Variants in ELAVL3 observed in about 807,000 individuals in gnomAD.
ELAVL3 encodes the protein ELAV like RNA binding protein 3, also known as ELAV-like protein 3.
ELAVL3 carries 8 observed loss-of-function variants against 34.2 expected under a neutral mutation model. That is an observed-to-expected ratio of 0.23 (90% CI 0.14 to 0.42). The LOEUF is 0.42. Among genes scored for constraint, ELAVL3 ranks in the 10% least tolerant of loss-of-function variants. ELAVL3 has a pLI of 1.00. For missense variants in ELAVL3, 273 were observed against 518.8 expected (o/e 0.53, Z 4.60); for synonymous variants, 209 against 222.1 (o/e 0.94, Z 0.53).
At chr19:11,470,608 C>T (rs1971145193) in intron 1 of ELAVL3, among the ~76,000 whole-genome samples, 1 of 151,652 alleles carries the variant, frequency 6.6e-6, no homozygotes, top group African/African-American at 2.4e-5. Flanking sequence ...ACCTGGGAGG[C>T]GGGGGTTGCG....
chr19:11,472,474 G>A (rs1249976480), intron 1 of ELAVL3, among the ~76,000 whole-genome samples: 2 of 152,214 alleles, frequency 1.3e-5, no homozygotes, highest in African/African-American at 4.8e-5. Context: ...GCCGAGGTGG[G>A]AGGACTGGTT....
At chr19:11,471,639 A>C (rs1971167327) in intron 1 of ELAVL3, among the ~76,000 whole-genome samples, 1 of 151,418 alleles carries the variant, frequency 6.6e-6, no homozygotes, top group Non-Finnish European at 1.5e-5. Flanking sequence ...TTTTTTGTAG[A>C]GATGGGGTGT....
chr19:11,473,057 ACT>A (rs1447893680), intron 1 of ELAVL3, among the ~76,000 whole-genome samples: 1 of 150,548 alleles, frequency 6.6e-6, no homozygotes, highest in Non-Finnish European at 1.5e-5. Context: ...ACAGAGTGAG[ACT>A]CTGTCTCAAA....
rs972717989 is a variant in ELAVL3 at position 11,480,472 on chromosome 19, C to T, written c.9+128G>A. 633 of 1,172,142 alleles carry T rather than the reference C, an allele frequency of 5.4e-4. 1 individual carries two copies. The highest frequency in any genetic ancestry group is 6.9e-4 in the Non-Finnish European group (611 of 889,768). The allele number at this position is 1,172,142 out of a possible 1,614,324, so 72.6% of individuals were successfully genotyped here. A position where few individuals can be genotyped will look rare whatever the true frequency, so the allele number is the denominator to read the frequency against. On this transcript the variant is annotated intron_variant, in intron 1 of 6. Transcript: ENST00000359227. This position sits in a 1 kb window ranked among gnomAD's most constrained non-coding sequence, Gnocchi z 6.8. Reference sequence around the variant, plus strand: ...CACTCTCAGGCCCCGAGGCTTGGTCCTACCCCCCCAACCCGGGCCTAGCTA... The same window carrying T: ...CACTCTCAGGCCCCGAGGCTTGGTCTTACCCCCCCAACCCGGGCCTAGCTA...
intron 1 of ELAVL3, among the ~76,000 whole-genome samples, chr19:11,477,297 C>T (rs1691443567): frequency 6.6e-6 from 1 of 151,868 alleles, no homozygotes; most frequent in African/African-American, 2.4e-5. Context: ...TTTTCTTTTC[C>T]TTGTTTATTT....
Position 11,466,699 on chromosome 19 carries a change from C to A in ELAVL3, c.138G>T (p.Leu46=). ...ACTCATCCTGGGTCATGTTCTGGGG[C>A]AGGTAGTTGACGATGAGGTTGGTCT... ...DSKTNLIVNY[L]PQNMTQDEFK... The change falls in exon 2 of 7, where the codon CTG becomes CTT. Residue 46 remains leucine, a synonymous_variant. Coordinates refer to ENST00000359227, the MANE Select transcript of ELAVL3 (RefSeq NM_001420.4). This position sits in a 1 kb window ranked among gnomAD's most constrained non-coding sequence, Gnocchi z 5.0. 6.2e-7 allele frequency: 1 copy of A among 1,614,202 alleles called. No individual in the cohort carries two copies. Among genetic ancestry groups the A allele is most frequent in the Non-Finnish European group, 8.5e-7 (1 of 1,180,038 alleles).
chr19:11,472,406 G>A (rs1321773170), intron 1 of ELAVL3, among the ~76,000 whole-genome samples: 1 of 152,110 alleles, frequency 6.6e-6, no homozygotes, highest in East Asian at 1.9e-4. Context: ...GAAGAATTCA[G>A]AAACCACATT....
At chr19:11,459,632 T>A (rs540372031) in intron 3 of ELAVL3, among the ~76,000 whole-genome samples, 6 of 151,630 alleles carry the variant, frequency 4.0e-5, no homozygotes, top group Non-Finnish European at 8.8e-5. Context: ...AGGCTGGTAT[T>A]GAACTTCTGG....
rs1309555435 is a variant in ELAVL3, at chr19:11,466,285, G to A, written c.230-10C>T. Reference sequence around the variant, plus strand: ...TAGCCAAGGCTCTGCCCTGTGGGCAGAACCAGAATGATGACCTTCCCACCC... The same window carrying A: ...TAGCCAAGGCTCTGCCCTGTGGGCAAAACCAGAATGATGACCTTCCCACCC... On this transcript the variant is annotated splice_polypyrimidine_tract_variant and intron_variant, in intron 2 of 6. Coordinates refer to ENST00000359227, the MANE Select transcript of ELAVL3 (RefSeq NM_001420.4). This position sits in a 1 kb window ranked among gnomAD's most constrained non-coding sequence, Gnocchi z 5.0. The A allele has an allele frequency of 6.2e-7, 1 of 1,612,518 alleles. No homozygotes were observed. Among genetic ancestry groups the A allele is most frequent in the African/African-American group, 1.3e-5 (1 of 74,832 alleles).
At position 11,476,902 on chromosome 19, in the gene ELAVL3, A is replaced by T. The variant is rs933489678; in HGVS notation, c.9+3698T>A. On this transcript the variant is annotated intron_variant, in intron 1 of 6. Transcript: ENST00000359227. ...CGACAGAGAAAGACTCTGTCTCAAA[A>T]ATTAGAAAAATAAAATAAAAAATAA... is the stretch of plus-strand genomic sequence containing the variant. 3.9e-5 allele frequency among the ~76,000 whole-genome samples: 6 copies of T among 152,160 alleles called. 1 individual carries two copies. In the South Asian group the frequency reaches 1.2e-3, roughly 32 times the overall value.
chr19:11,461,284 A>G (rs929195745), intron 3 of ELAVL3, among the ~76,000 whole-genome samples: 1 of 152,170 alleles, frequency 6.6e-6, no homozygotes, highest in African/African-American at 2.4e-5. Context: ...TTTACAAAGC[A>G]GGGAATATTG....
At chr19:11,467,969 T>C (rs545010815) in intron 1 of ELAVL3, among the ~76,000 whole-genome samples, 2 of 152,214 alleles carry the variant, frequency 1.3e-5, no homozygotes, top group East Asian at 1.9e-4. Flanking sequence ...TTAAAATTAT[T>C]TGTAGAGATG....
intron 1 of ELAVL3, among the ~76,000 whole-genome samples, chr19:11,476,116 C>T (rs550006489): frequency 6.6e-4 from 100 of 152,336 alleles, no homozygotes; most frequent in African/African-American, 2.3e-3. Context: ...TCTGCATTCC[C>T]GTCTCCTAAC....
intron 3 of ELAVL3, among the ~76,000 whole-genome samples, chr19:11,461,936 G>A (rs916528292): frequency 1.3e-5 from 2 of 152,162 alleles, no homozygotes; most frequent in Non-Finnish European, 2.9e-5. Flanking sequence ...AGCATTTTGC[G>A]AGGCTGAGGC....
intron 5 of ELAVL3, among the ~76,000 whole-genome samples, chr19:11,457,441 G>T (rs1260360201): frequency 6.6e-6 from 1 of 152,218 alleles, no homozygotes; most frequent in Non-Finnish European, 1.5e-5. Flanking sequence ...CCTGGGGAAA[G>T]ATAACTCCTA....
At position 11,458,758 on chromosome 19, in the gene ELAVL3, TG is replaced by T. The variant is rs1163039641; in HGVS notation, c.334-148del. On this transcript the variant is annotated intron_variant, in intron 3 of 6. Transcript: ENST00000359227. This position sits in a 1 kb window ranked among gnomAD's most constrained non-coding sequence, Gnocchi z 7.3. ...TATCTCTAGAGTTGTCACCGTGGGG[TG>T]GGGCTGAGTCAGATATGGGAGAGGG... 1.0e-5 allele frequency: 11 copies of T among 1,088,352 alleles called. No individual in the cohort carries two copies. In the East Asian group the frequency reaches 2.5e-4, roughly 25 times the overall value. The allele number at this position is 1,088,352 out of a possible 1,614,324, so 67.4% of individuals were successfully genotyped here.
Position 11,466,956 on chromosome 19 carries a change from T to G in ELAVL3, c.10-129A>C. Reference sequence around the variant, plus strand: ...TTCGTCATGGGGAGGGGTCACTTTATTATTCTAATGATGGGAATAATGATG... The same window carrying G: ...TTCGTCATGGGGAGGGGTCACTTTAGTATTCTAATGATGGGAATAATGATG... On this transcript the variant is annotated intron_variant, in intron 1 of 6. Coordinates refer to ENST00000359227, the MANE Select transcript of ELAVL3 (RefSeq NM_001420.4). The surrounding 1 kb of genome is among the most constrained non-coding windows in gnomAD (Gnocchi z 5.0). The G allele has an allele frequency of 1.5e-6, 1 of 684,178 alleles. No homozygotes were observed. The highest frequency in any genetic ancestry group is 2.4e-6 in the Non-Finnish European group (1 of 408,916). 42.4% of individuals were successfully genotyped at this position (684,178 alleles called of 1,614,324 possible).
At chr19:11,467,997 C>T (rs1971090383) in intron 1 of ELAVL3, among the ~76,000 whole-genome samples, 1 of 152,114 alleles carries the variant, frequency 6.6e-6, no homozygotes, top group African/African-American at 2.4e-5. Flanking sequence ...ACTATGTGGC[C>T]CAGGCCGGTC....
At chr19:11,464,673 TC>T (rs1970976535) in intron 3 of ELAVL3, among the ~76,000 whole-genome samples, 1 of 37,276 alleles carries the variant, frequency 2.7e-5, no homozygotes, top group Non-Finnish European at 5.6e-5. Flanking sequence ...CATACACACA[TC>T]ACACACACAC....
Sources: allele counts gnomAD v4.1 joint callset (sites outside exome capture counted in the v4.1 genomes callset), GRCh38; gene constraint gnomAD v4.1.1; non-coding constraint Gnocchi (gnomAD v3.1); transcripts MANE v1.5; gene names NCBI Gene and HGNC (gene_info 2026-07-23, HGNC 2026-07-21).